PRKCB: variants seen among roughly 807,000 people sequenced by gnomAD.
PRKCB encodes protein kinase C beta.
Under a neutral mutation model 81.5 loss-of-function variants are expected in PRKCB, and 13 were observed. That is an observed-to-expected ratio of 0.16 (90% CI 0.10 to 0.25). PRKCB has a LOEUF of 0.25. Ranked by LOEUF, PRKCB falls within the 10% of genes least tolerant of loss-of-function variation. The probability of loss-of-function intolerance (pLI) is 1.00; values close to 1 mark genes in which losing one functional copy is unlikely to be tolerated. For synonymous variants in PRKCB, 335 were observed against 321.4 expected (o/e 1.04, Z -0.45); for missense variants, 509 against 875.7 (o/e 0.58, Z 5.29).
Position 24,215,547 on chromosome 16 carries a change from T to A in PRKCB, c.*731T>A, listed in dbSNP as rs1337616251. On this transcript the variant is annotated 3_prime_UTR_variant, in exon 17 of 17. Transcript: ENST00000643927. The stretch of plus-strand genomic sequence containing the variant: ...GGCACCACTCTCTGAAACAACACAG[T>A]CACTCTAGCAAGGCCCCCAAAGGGC... The A allele has an allele frequency of 2.0e-6, 2 of 985,566 alleles. No homozygotes were observed. The highest frequency in any genetic ancestry group is 2.4e-6 in the Non-Finnish European group (2 of 829,916). 61.1% of individuals were successfully genotyped at this position (985,566 alleles called of 1,614,324 possible).
chr16:24,114,939 C>T (rs763034145), intron 8 of PRKCB, among the ~76,000 whole-genome samples: 4 of 151,496 alleles, frequency 2.6e-5, no homozygotes, highest in Admixed American at 6.6e-5. Context: ...AGAAATGTCA[C>T]GTAGTTTGAG....
intron 2 of PRKCB, among the ~76,000 whole-genome samples, chr16:23,855,381 A>G (rs1962547507): frequency 6.6e-6 from 1 of 152,218 alleles, no homozygotes; most frequent in African/African-American, 2.4e-5. Context: ...ATAATGGCAC[A>G]GAGCCTACCT....
chr16:23,955,589 T>G (rs946476160), intron 2 of PRKCB, among the ~76,000 whole-genome samples: 1 of 152,178 alleles, frequency 6.6e-6, no homozygotes, highest in African/African-American at 2.4e-5. Context: ...CAGTTAGGGT[T>G]GTCCATAATA....
intron 5 of PRKCB, among the ~76,000 whole-genome samples, chr16:24,076,072 A>G (rs1966173588): frequency 6.6e-6 from 1 of 152,200 alleles, no homozygotes; most frequent in African/African-American, 2.4e-5. Flanking sequence ...GGTGGGAGGA[A>G]TAACATTAGG....
chr16:23,863,046 C>T (rs551858229), intron 2 of PRKCB, among the ~76,000 whole-genome samples: 27 of 148,940 alleles, frequency 1.8e-4, no homozygotes, highest in Non-Finnish European at 2.5e-4. Context: ...CAGAACACAT[C>T]TCTCCATGAT....
At position 24,191,169 on chromosome 16, in the gene PRKCB, G is replaced by T. The variant is rs757200847; in HGVS notation, c.1802G>T (p.Arg601Leu). 3 of 1,614,018 alleles carry T rather than the reference G, an allele frequency of 1.9e-6. No homozygotes were observed. The highest frequency in any genetic ancestry group is 1.7e-6 in the Non-Finnish European group (2 of 1,179,992). The change falls in exon 16 of 17, where the codon CGG becomes CTG. Residue 601 changes from arginine (R) to leucine (L), a missense_variant. Coordinates refer to ENST00000643927, the MANE Select transcript of PRKCB (RefSeq NM_002738.7). ...GATATCAAAGAGCATGCATTTTTCC[G>T]GTATATTGATTGGGAGAAACTTGAA... ...ERDIKEHAFF[R>L]YIDWEKLERK...
intron 10 of PRKCB, among the ~76,000 whole-genome samples, chr16:24,166,815 G>T (rs1967354404): frequency 6.6e-6 from 1 of 152,162 alleles, no homozygotes; most frequent in Non-Finnish European, 1.5e-5. Context: ...CTTAGGCACT[G>T]GTGTGTTGAA....
chr16:24,057,456 C>A (rs1020694974), intron 5 of PRKCB, among the ~76,000 whole-genome samples: 1 of 152,100 alleles, frequency 6.6e-6, no homozygotes, highest in African/African-American at 2.4e-5. Context: ...TCCTTTCATA[C>A]CTCATTCATT....
At chr16:23,933,600 C>T (rs553460858) in intron 2 of PRKCB, among the ~76,000 whole-genome samples, 1 of 152,106 alleles carries the variant, frequency 6.6e-6, no homozygotes, top group South Asian at 2.1e-4. Flanking sequence ...GACTGGTTTG[C>T]AGAGCCTTTT....
At chr16:23,919,820 C>T (rs1278287620) in intron 2 of PRKCB, among the ~76,000 whole-genome samples, 2 of 152,144 alleles carry the variant, frequency 1.3e-5, no homozygotes, top group East Asian at 1.9e-4. Context: ...CACATTGTTG[C>T]GTGTGTCAGA....
chr16:23,970,707 T>C lies in PRKCB; in HGVS notation c.206-17801T>C, dbSNP rs146051931. Among the ~76,000 whole-genome samples the C allele has an allele frequency of 6.6e-5, 10 of 152,312 alleles. No homozygotes were observed. In the East Asian group the frequency reaches 1.9e-3, roughly 29 times the overall value. ...TCAGGGTTGTTGAGAGGTTTAGAGA[T>C]TGTGGTGTTACAGGGCCCCTGGGGC... is the stretch of plus-strand genomic sequence containing the variant. On this transcript the variant is annotated intron_variant, in intron 2 of 16. Transcript: ENST00000643927.
At chr16:23,882,897 C>G (rs1284147397) in intron 2 of PRKCB, among the ~76,000 whole-genome samples, 1 of 152,072 alleles carries the variant, frequency 6.6e-6, no homozygotes, top group African/African-American at 2.4e-5. Context: ...TGAGACTCCA[C>G]TTCCAATTCT....
chr16:24,205,739 G>A (rs1307053449), intron 16 of PRKCB, among the ~76,000 whole-genome samples: 1 of 152,176 alleles, frequency 6.6e-6, no homozygotes, highest in Non-Finnish European at 1.5e-5. Context: ...AAACGCAGTG[G>A]TGAATAAAAC....
At chr16:23,836,409 C>T in intron 1 of PRKCB, 61 bp downstream of exon 1, 2 of 1,547,824 alleles carry the variant, frequency 1.3e-6, no homozygotes, top group South Asian at 2.3e-5. Flanking sequence ...CGCCAGGGAC[C>T]CCCTCTCCGC....
intron 2 of PRKCB, among the ~76,000 whole-genome samples, chr16:23,951,579 C>CTT (rs11354474): frequency 0.029 from 2,877 of 97,538 alleles, 153 homozygotes; most frequent in African/African-American, 0.11. Flanking sequence ...CTATGCCAGG[C>CTT]TTTTTTTTTT....
At chr16:24,208,319 T>A (rs1418935591) in intron 16 of PRKCB, 1 of 152,238 alleles carries the variant, frequency 6.6e-6, no homozygotes, top group Non-Finnish European at 1.5e-5. Flanking sequence ...GTGGCAGTGG[T>A]GACCAAGCCA....
chr16:24,111,772 T>G (rs1252060888), intron 7 of PRKCB, among the ~76,000 whole-genome samples: 1 of 152,180 alleles, frequency 6.6e-6, no homozygotes, highest in Admixed American at 6.5e-5. Context: ...CACTCCAGCC[T>G]TGGTGACAGA....
intron 16 of PRKCB, among the ~76,000 whole-genome samples, chr16:24,194,394 C>CAAAAAAAAAAAAAAAAAAAAA (rs1384880007): frequency 6.6e-6 from 1 of 151,918 alleles, no homozygotes; most frequent in African/African-American, 2.4e-5. Flanking sequence ...TTTTATATAT[C>CAAAAAAAAAAAAAAAAAAAAA]AGAACAAATT....
chr16:24,204,182 C>T lies in PRKCB; in HGVS notation c.1864-10476C>T, dbSNP rs190673393. Among the ~76,000 whole-genome samples, 7 of 152,168 alleles carry T rather than the reference C, an allele frequency of 4.6e-5. No individual in the cohort carries two copies. The East Asian group carries it at 9.7e-4, about 21-fold the overall frequency. Reference sequence around the variant, plus strand: ...GATGTGAATTTTATCAAGTCATTCTCGCCACACCCTACAAGAAACTTGAGC... The same window carrying T: ...GATGTGAATTTTATCAAGTCATTCTTGCCACACCCTACAAGAAACTTGAGC... On this transcript the variant is annotated intron_variant, in intron 16 of 16. Transcript: ENST00000643927.
Sources: gnomAD v4.1 joint callset for allele counts (sites outside exome capture counted in the v4.1 genomes callset) on GRCh38, gnomAD v4.1.1 for gene constraint, MANE v1.5 for transcripts, NCBI Gene and HGNC (gene_info 2026-07-23, HGNC 2026-07-21) for gene names.